The following ANK3 variants were observed in gnomAD, a reference collection of about 807,000 sequenced individuals.
ANK3 encodes the protein ankyrin 3.
A neutral mutation model predicts 370.9 loss-of-function variants in ANK3; 57 were observed. The observed-to-expected ratio is 0.15, with a 90% confidence interval of 0.12 to 0.19. The LOEUF is 0.19. Ranked by LOEUF, ANK3 falls within the 10% of genes least tolerant of loss-of-function variation. ANK3 has a pLI of 1.00. For synonymous variants in ANK3, 1,929 were observed against 1,946.3 expected, an observed-to-expected ratio of 0.99 and a Z score of 0.23; for missense variants, 4,439 against 5,302.1, an observed-to-expected ratio of 0.84 and a Z score of 5.06.
chr10:60,049,646 T>C (rs1200314956), intron 42 of ANK3, among the ~76,000 whole-genome samples: 1 of 152,162 alleles, frequency 6.6e-6, no homozygotes, highest in Admixed American at 6.5e-5. Flanking sequence ...TACAACATTA[T>C]AGTGGATTTT....
intron 7 of ANK3, among the ~76,000 whole-genome samples, chr10:60,241,319 A>G (rs2097454104): frequency 6.6e-6 from 1 of 152,240 alleles, no homozygotes; most frequent in Non-Finnish European, 1.5e-5. Flanking sequence ...TAGTTCAAAC[A>G]AAAAAGTAAA....
intron 7 of ANK3, among the ~76,000 whole-genome samples, chr10:60,254,596 C>A (rs1349972691): frequency 1.3e-5 from 2 of 152,196 alleles, no homozygotes; most frequent in African/African-American, 2.4e-5. Context: ...TTAGCCTAGG[C>A]CTGTCTTCCA....
intron 2 of ANK3, among the ~76,000 whole-genome samples, chr10:60,422,642 T>C (rs2063802745): frequency 6.6e-6 from 1 of 152,130 alleles, no homozygotes; most frequent in African/African-American, 2.4e-5. Flanking sequence ...TTAATTTGGT[T>C]CATAAACATA....
chr10:60,349,096 A>G (rs1332614230), intron 1 of ANK3, among the ~76,000 whole-genome samples: 1 of 152,138 alleles, frequency 6.6e-6, no homozygotes, highest in Non-Finnish European at 1.5e-5. Context: ...AGGGAAGAGC[A>G]TCAGTACCGC....
intron 2 of ANK3, among the ~76,000 whole-genome samples, chr10:60,411,588 C>G (rs901907503): frequency 6.6e-6 from 1 of 152,120 alleles, no homozygotes. Flanking sequence ...GGGCAGGTAC[C>G]TCTGTGCCCC....
At chr10:60,282,686 C>T (rs1415673166) in intron 1 of ANK3, among the ~76,000 whole-genome samples, 1 of 152,138 alleles carries the variant, frequency 6.6e-6, no homozygotes, top group Non-Finnish European at 1.5e-5. Context: ...TGATATCAAA[C>T]AATTCTCTGA....
At chr10:60,172,176 C>A (rs1565453131) in intron 21 of ANK3, 132 bp downstream of exon 21, 8 of 651,804 alleles carry the variant, frequency 1.2e-5, no homozygotes, top group Admixed American at 2.8e-5. Flanking sequence ...TGACTACCAA[C>A]AATGAGGTGA....
At chr10:60,126,294 C>T (rs185135490) in intron 25 of ANK3, among the ~76,000 whole-genome samples, 18 of 152,320 alleles carry the variant, frequency 1.2e-4, no homozygotes, top group East Asian at 1.2e-3. Context: ...TTCACAGATG[C>T]ACTGCCCCTA....
chr10:60,251,046 C>CAAG (rs1288187642), intron 7 of ANK3, among the ~76,000 whole-genome samples: 2 of 152,178 alleles, frequency 1.3e-5, no homozygotes, highest in East Asian at 3.8e-4. Flanking sequence ...TGGCTTTGTA[C>CAAG]AAGTTATGGA....
At chr10:60,459,053 G>A (rs1177198502) in intron 2 of ANK3, among the ~76,000 whole-genome samples, 9 of 151,940 alleles carry the variant, frequency 5.9e-5, no homozygotes, top group Admixed American at 1.3e-4. Context: ...ATAATACATC[G>A]AAATGAGTGA....
chr10:60,153,125 T>C (rs537884009), intron 23 of ANK3, among the ~76,000 whole-genome samples: 1 of 152,182 alleles, frequency 6.6e-6, no homozygotes, highest in South Asian at 2.1e-4. Flanking sequence ...AATGGAATAT[T>C]GTATAGAAAT....
At chr10:60,440,277 C>A (rs1165239940) in intron 2 of ANK3, among the ~76,000 whole-genome samples, 1 of 152,066 alleles carries the variant, frequency 6.6e-6, no homozygotes, top group Non-Finnish European at 1.5e-5. Flanking sequence ...CACTCTCACC[C>A]TGCTACAAAG....
At position 60,205,981 on chromosome 10, in the gene ANK3, T is replaced by C. The variant is rs1172938504; in HGVS notation, c.1195-91A>G. 4.9e-6 allele frequency: 4 copies of C among 815,338 alleles called. No homozygotes were observed. The East Asian group carries it at 1.0e-4, about 21-fold the overall frequency. 50.5% of individuals were successfully genotyped at this position (815,338 alleles called of 1,614,324 possible). ...AGTAAATAGTTTTGCTAAAATGATG[T>C]GTGGTAAATTGAAATGAACAGAAAG... On this transcript the variant is annotated intron_variant, in intron 10 of 43. Coordinates refer to ENST00000280772, the MANE Select transcript of ANK3 (RefSeq NM_020987.5).
chr10:60,652,962 T>C (rs2078811463), intron 1 of ANK3, among the ~76,000 whole-genome samples: 1 of 152,152 alleles, frequency 6.6e-6, no homozygotes, highest in South Asian at 2.1e-4. Flanking sequence ...TCTCCTGATG[T>C]GTTTATTTGA....
chr10:60,686,597 A>G (rs938176299), intron 1 of ANK3, among the ~76,000 whole-genome samples: 2 of 152,154 alleles, frequency 1.3e-5, no homozygotes, highest in African/African-American at 4.8e-5. Flanking sequence ...TTTTTTATAA[A>G]TATTAACTCA....
chr10:60,451,142 C>T (rs1335394832), intron 2 of ANK3, among the ~76,000 whole-genome samples: 1 of 152,088 alleles, frequency 6.6e-6, no homozygotes, highest in South Asian at 2.1e-4. Flanking sequence ...CAAGGAACAC[C>T]GAGGATCCCC....
intron 40 of ANK3, 33 bp downstream of exon 40, chr10:60,063,078 G>T: frequency 6.3e-7 from 1 of 1,586,648 alleles, no homozygotes; most frequent in Non-Finnish European, 8.6e-7. Flanking sequence ...TTTATCAAAT[G>T]ATTAAATAAA....
intron 2 of ANK3, chr10:60,615,099 T>A (rs778641084): frequency 1.4e-4 from 118 of 844,874 alleles, no homozygotes; most frequent in Non-Finnish European, 1.9e-4. Context: ...TGTAAATAAT[T>A]CATTCAACTC....
intron 26 of ANK3, among the ~76,000 whole-genome samples, chr10:60,112,280 G>T (rs368116639): frequency 2.6e-5 from 4 of 151,076 alleles, no homozygotes; most frequent in Non-Finnish European, 5.9e-5. Context: ...TTCATCAAGC[G>T]TGATTCAAAA....
Sources: allele counts gnomAD v4.1 joint callset (sites outside exome capture counted in the v4.1 genomes callset), GRCh38; gene constraint gnomAD v4.1.1; transcripts MANE v1.5; gene names NCBI Gene and HGNC (gene_info 2026-07-23, HGNC 2026-07-21).